The following THG1L variants were observed in gnomAD, a reference collection of about 807,000 sequenced individuals.
THG1L encodes tRNA-histidine guanylyltransferase 1 like.
THG1L carries 27 observed loss-of-function variants against 35.2 expected under a neutral mutation model. The ratio of observed to expected loss-of-function variants is 0.77; its 90% CI spans 0.57 to 1.06. The LOEUF (loss-of-function observed/expected upper bound fraction) is 1.06. Ranked by LOEUF, THG1L falls within the 50% of genes least tolerant of loss-of-function variation. THG1L has a pLI of 0.00. For synonymous variants in THG1L, 135 were observed against 132.4 expected, an observed-to-expected ratio of 1.02 and a Z score of -0.14; for missense variants, 377 against 371.8, an observed-to-expected ratio of 1.01 and a Z score of -0.12.
At chr5:157,738,557 T>C in intron 5 of THG1L, 1 of 410,546 alleles carries the variant, frequency 2.4e-6, no homozygotes, top group East Asian at 7.5e-5. Flanking sequence ...ATGATTTCTC[T>C]AAATTTATTT....
chr5:157,734,771 T>C (rs752488457), intron 3 of THG1L, 26 bp downstream of exon 3: 3 of 1,613,376 alleles, frequency 1.9e-6, no homozygotes, highest in Admixed American at 3.3e-5. Context: ...TAAACACATG[T>C]AGTTAAACCA....
rs745535496 is a variant in THG1L, at chr5:157,733,063, T to C, written c.368+19T>C. The stretch of plus-strand genomic sequence containing the variant: ...GAGCCAGGTAATTCCATGACCTAAC[T>C]CCTTTCTTCAGAATATTTCCTCCCA... On this transcript the variant is annotated intron_variant, in intron 2 of 5. Transcript: ENST00000231198. 31 of 1,609,090 alleles carry C rather than the reference T, an allele frequency of 1.9e-5. 1 individual carries two copies. In the South Asian group the frequency reaches 3.2e-4, roughly 17 times the overall value.
At chr5:157,738,580 A>ATT in intron 5 of THG1L, 1 of 416,364 alleles carries the variant, frequency 2.4e-6, no homozygotes. Context: ...TTCCATGTAA[A>ATT]GTTTTTTTGT....
intron 4 of THG1L, among the ~76,000 whole-genome samples, chr5:157,737,220 G>A (rs2113044874): frequency 6.6e-6 from 1 of 152,240 alleles, no homozygotes; most frequent in South Asian, 2.1e-4. Flanking sequence ...GCCTGGTGTG[G>A]TGGTTCACGC....
In THG1L at chr5:157,739,642, G is replaced by A; in HGVS notation, c.*160G>A. On this transcript the variant is annotated 3_prime_UTR_variant, in exon 6 of 6. Transcript: ENST00000231198. Reference sequence around the variant, plus strand: ...GAACAGGGAAGGAAGGGATGGATGGGGGTGGTGTATCTTACTCTGTTTAAG... The same window carrying A: ...GAACAGGGAAGGAAGGGATGGATGGAGGTGGTGTATCTTACTCTGTTTAAG... 1.3e-6 allele frequency: 1 copy of A among 765,686 alleles called. No homozygotes were observed. Among genetic ancestry groups the A allele is most frequent in the Non-Finnish European group, 2.0e-6 (1 of 500,726 alleles). 47.4% of individuals were successfully genotyped at this position (765,686 alleles called of 1,614,324 possible). A position where few individuals can be genotyped will look rare whatever the true frequency, so the allele number is the denominator to read the frequency against.
chr5:157,731,517 TG>T lies in THG1L; in HGVS notation c.82del (p.Ala28ArgfsTer11). 1 of 1,612,944 alleles carries T rather than the reference TG, an allele frequency of 6.2e-7. No homozygotes were observed. The highest frequency in any genetic ancestry group is 8.5e-7 in the Non-Finnish European group (1 of 1,179,478). On this transcript the variant is annotated frameshift_variant, in exon 1 of 6. Coordinates refer to ENST00000231198, the MANE Select transcript of THG1L (RefSeq NM_017872.5). LOFTEE classifies it high-confidence loss of function. ...ATCACTCTGAGACGGTACCTGAGAT[TG>T]GGGGCGACCATGGCAAAAAGCAAGT... is the stretch of plus-strand genomic sequence containing the variant. Reference protein sequence around the residue: ...ISITLRRYLRLGATMAKSKFE... With the variant: ...ISITLRRYLRXGATMAKSKFE...
chr5:157,732,868 G>T lies in THG1L; in HGVS notation c.192G>T (p.Arg64=), dbSNP rs375270030. The change falls in exon 2 of 6, where the codon CGG becomes CGT. Residue 64 remains arginine, a splice_region_variant and synonymous_variant. Transcript: ENST00000231198. ...VVRLDGRNFH[R]FAEKHNFAKP... ...TTTCTTCCCTTTTTCCCCTGTGAAG[G>T]TTTGCTGAGAAGCACAACTTTGCAA... 6.2e-7 allele frequency: 1 copy of T among 1,614,068 alleles called. No individual in the cohort carries two copies. Among genetic ancestry groups the T allele is most frequent in the Admixed American group, 1.7e-5 (1 of 60,012 alleles).
chr5:157,732,176 G>A (rs1343654707), intron 1 of THG1L, among the ~76,000 whole-genome samples: 1 of 91,868 alleles, frequency 1.1e-5, no homozygotes, highest in East Asian at 3.9e-4. Context: ...TTTTTGTTTT[G>A]TTTTTTCTGT....
chr5:157,738,643 C>G, intron 5 of THG1L: 1 of 435,072 alleles, frequency 2.3e-6, no homozygotes, highest in Non-Finnish European at 4.5e-6. Flanking sequence ...ACCTTGAGAG[C>G]TAGTCATTCC....
In THG1L at chr5:157,740,417, A is replaced by G. The variant is rs1761004578; in HGVS notation, c.*935A>G. ...GGTAGCAGGTGTCAGAGGAGGCATA[A>G]TATTAATAGCGCCACCTTCTGTTGG... is the stretch of plus-strand genomic sequence containing the variant. On this transcript the variant is annotated 3_prime_UTR_variant, in exon 6 of 6. Coordinates refer to ENST00000231198, the MANE Select transcript of THG1L (RefSeq NM_017872.5). 1 of 152,224 alleles carries G rather than the reference A, an allele frequency of 6.6e-6. No individual in the cohort carries two copies. Among genetic ancestry groups the G allele is most frequent in the Non-Finnish European group, 1.5e-5 (1 of 68,064 alleles). The allele number at this position is 152,224 out of a possible 1,614,324, so 9.4% of individuals were successfully genotyped here.
At chr5:157,736,458 C>T (rs774973886) in intron 4 of THG1L, among the ~76,000 whole-genome samples, 1 of 152,160 alleles carries the variant, frequency 6.6e-6, no homozygotes, top group African/African-American at 2.4e-5. Flanking sequence ...CCCCGTTGGC[C>T]AGGCTGGTCT....
chr5:157,737,036 A>C (rs921798445), intron 4 of THG1L, among the ~76,000 whole-genome samples: 2 of 151,784 alleles, frequency 1.3e-5, no homozygotes, highest in Admixed American at 6.6e-5. Flanking sequence ...GGGCTCCAGC[A>C]GTCCGCCCAC....
At chr5:157,731,703 T>C in intron 1 of THG1L, 72 bp downstream of exon 1, 1 of 1,515,378 alleles carries the variant, frequency 6.6e-7, no homozygotes, top group South Asian at 1.3e-5. Context: ...CCCTTGCAAG[T>C]CCTCCCGCCC....
In THG1L at chr5:157,734,744, T is replaced by C. The variant is rs759167460; in HGVS notation, c.537T>C (p.Asp179=). 6.2e-7 allele frequency: 1 copy of C among 1,614,126 alleles called. No homozygotes were observed. Residue 179 remains aspartate (D), a splice_region_variant and synonymous_variant, in exon 3 of 6, where the codon GAT becomes GAC. Coordinates refer to ENST00000231198, the MANE Select transcript of THG1L (RefSeq NM_017872.5). ...ACTACCTCAGCTGGCGACAAGCAGA[T>C]TGTGAGTGGCACCAAATAAACACAT... ...LKDYLSWRQA[D]CHINNLYNTV... is the part of the protein sequence containing the mutation.
In THG1L at chr5:157,739,817, T is replaced by C. The variant is rs572452169; in HGVS notation, c.*335T>C. 6.1e-5 allele frequency: 11 copies of C among 180,224 alleles called. No homozygotes were observed. In the South Asian group the frequency reaches 2.2e-3, roughly 35 times the overall value. The allele number at this position is 180,224 out of a possible 1,614,324, so 11.2% of individuals were successfully genotyped here. On this transcript the variant is annotated 3_prime_UTR_variant, in exon 6 of 6. Coordinates refer to ENST00000231198, the MANE Select transcript of THG1L (RefSeq NM_017872.5). Reference sequence around the variant, plus strand: ...TTGTGACATAAATCTTGTAAAAACCTGTCAGTTATTTTCATCTATGAGAGA... The same window carrying C: ...TTGTGACATAAATCTTGTAAAAACCCGTCAGTTATTTTCATCTATGAGAGA...
At chr5:157,732,783 CA>C in intron 1 of THG1L, 84 bp from the exon 2 acceptor site, 1 of 1,515,814 alleles carries the variant, frequency 6.6e-7, no homozygotes, top group Non-Finnish European at 9.0e-7. Context: ...TATCTTCCTC[CA>C]AACAGCCTCT....
intron 2 of THG1L, among the ~76,000 whole-genome samples, chr5:157,733,585 C>T (rs1050920373): frequency 6.6e-6 from 1 of 151,906 alleles, no homozygotes; most frequent in African/African-American, 2.4e-5. Flanking sequence ...CCTGTCTTGG[C>T]CTCTCGAAGT....
chr5:157,732,259 G>A (rs1760748896), intron 1 of THG1L, among the ~76,000 whole-genome samples: 3 of 128,738 alleles, frequency 2.3e-5, no homozygotes, highest in Non-Finnish European at 3.2e-5. Context: ...GAGAGAGAGA[G>A]AAAGAAGGAA....
intron 3 of THG1L, among the ~76,000 whole-genome samples, 194 bp downstream of exon 3, chr5:157,734,939 A>ATT (rs372408428): frequency 7.1e-6 from 1 of 140,008 alleles, no homozygotes; most frequent in African/African-American, 2.6e-5. Flanking sequence ...CCTTATCTCT[A>ATT]TTTTTTTTTT....
Sources: allele counts gnomAD v4.1 joint callset (sites outside exome capture counted in the v4.1 genomes callset), GRCh38; gene constraint gnomAD v4.1.1; transcripts MANE v1.5; gene names NCBI Gene and HGNC (gene_info 2026-07-23, HGNC 2026-07-21).